The following GALNTL5 variants were observed in gnomAD, a reference collection of about 807,000 sequenced individuals.
GALNTL5 encodes polypeptide N-acetylgalactosaminyltransferase like 5.
GALNTL5 carries 44 observed loss-of-function variants against 51.0 expected under a neutral mutation model. The observed-to-expected ratio is 0.86, with a 90% CI of 0.68 to 1.11. The LOEUF is 1.11. GALNTL5 is among the 50% of genes least tolerant of loss of function. The pLI, the probability that GALNTL5 is intolerant of heterozygous loss-of-function variation, is 0.00. For missense variants in GALNTL5, 528 were observed against 531.8 expected, an observed-to-expected ratio of 0.99 and a Z score of 0.07; for synonymous variants, 192 against 182.8, an observed-to-expected ratio of 1.05 and a Z score of -0.41.
chr7:151,962,085 C>T (rs1490052399), intron 1 of GALNTL5, among the ~76,000 whole-genome samples: 1 of 150,300 alleles, frequency 6.7e-6, no homozygotes, highest in Non-Finnish European at 1.5e-5. Flanking sequence ...TCACTGCAAC[C>T]TCCAACTCCC....
At chr7:152,018,920 T>C (rs1274463290) in intron 8 of GALNTL5, among the ~76,000 whole-genome samples, 1 of 152,170 alleles carries the variant, frequency 6.6e-6, no homozygotes. Flanking sequence ...AAAACACAGA[T>C]GAAAAGATAA....
At chr7:151,970,295 A>G (rs538822863) in intron 2 of GALNTL5, among the ~76,000 whole-genome samples, 7 of 152,318 alleles carry the variant, frequency 4.6e-5, no homozygotes, top group East Asian at 1.9e-4. Context: ...GCCACTTAGA[A>G]TTGAAAATGG....
chr7:151,971,782 A>G lies in GALNTL5; in HGVS notation c.368+717A>G, dbSNP rs544799925. Reference sequence around the variant, plus strand: ...TTCTCATGATAGTGAGGGAGTTCTCATGAGACCTGATGATTTTAAAAGTAG... The same window carrying G: ...TTCTCATGATAGTGAGGGAGTTCTCGTGAGACCTGATGATTTTAAAAGTAG... On this transcript the variant is annotated intron_variant, in intron 3 of 8. Transcript: ENST00000392800. Among the ~76,000 whole-genome samples, 10 of 152,238 alleles carry G rather than the reference A, an allele frequency of 6.6e-5. No homozygotes were observed. In the South Asian group the frequency reaches 1.9e-3, roughly 28 times the overall value.
At chr7:151,988,663 A>G (rs1246620608) in intron 5 of GALNTL5, among the ~76,000 whole-genome samples, 1 of 152,008 alleles carries the variant, frequency 6.6e-6, no homozygotes, top group African/African-American at 2.4e-5. Context: ...ATAGATATAT[A>G]CATATATATG....
chr7:151,983,198 G>A (rs751851009), intron 4 of GALNTL5, 46 bp downstream of exon 4: 7 of 1,532,292 alleles, frequency 4.6e-6, no homozygotes, highest in Admixed American at 1.7e-5. Flanking sequence ...TGTTGTTGTT[G>A]TTGAGATTTC....
At chr7:151,987,086 C>A in intron 4 of GALNTL5, 73 bp from the exon 5 acceptor site, 1 of 1,292,240 alleles carries the variant, frequency 7.7e-7, no homozygotes, top group South Asian at 1.5e-5. Flanking sequence ...AGGAATACGT[C>A]ATAATGATGA....
At chr7:151,987,781 G>C (rs889271433) in intron 5 of GALNTL5, among the ~76,000 whole-genome samples, 1 of 152,246 alleles carries the variant, frequency 6.6e-6, no homozygotes, top group African/African-American at 2.4e-5. Flanking sequence ...GGAGGACAGA[G>C]AAGGAAGGAA....
chr7:151,977,062 T>G (rs551857268), intron 3 of GALNTL5, among the ~76,000 whole-genome samples: 5 of 152,288 alleles, frequency 3.3e-5, no homozygotes, highest in African/African-American at 1.2e-4. Context: ...TTAGTAAACT[T>G]AATAGGTACA....
Position 151,961,758 on chromosome 7 carries a change from G to A in GALNTL5, c.-40+5149G>A, listed in dbSNP as rs80347386. Among the ~76,000 whole-genome samples the A allele has an allele frequency of 1.7e-3, 265 of 152,234 alleles. 2 individuals carry two copies. Among genetic ancestry groups the A allele is most frequent in the Non-Finnish European group, 2.0e-3 (136 of 68,024 alleles). On this transcript the variant is annotated intron_variant, in intron 1 of 8. Coordinates refer to ENST00000392800, the MANE Select transcript of GALNTL5 (RefSeq NM_145292.4). ...AGGGGCAGGGTCCAGGGGACAAGTGGCTGATGTATTCTTGTGTTTACCAGT... is the reference window on the plus strand; with the variant it reads ...AGGGGCAGGGTCCAGGGGACAAGTGACTGATGTATTCTTGTGTTTACCAGT...
intron 1 of GALNTL5, among the ~76,000 whole-genome samples, chr7:151,964,188 G>A (rs1020325227): frequency 1.3e-5 from 2 of 152,110 alleles, no homozygotes; most frequent in African/African-American, 4.8e-5. Flanking sequence ...TAAGGACACT[G>A]GTCCTATTGG....
At chr7:152,004,902 T>C (rs1429318026) in intron 6 of GALNTL5, among the ~76,000 whole-genome samples, 1 of 152,246 alleles carries the variant, frequency 6.6e-6, no homozygotes, top group African/African-American at 2.4e-5. Context: ...TGAATAGTGC[T>C]GTGATAAACA....
At chr7:151,968,529 G>C (rs1024335173) in intron 2 of GALNTL5, among the ~76,000 whole-genome samples, 2 of 152,154 alleles carry the variant, frequency 1.3e-5, no homozygotes, top group Non-Finnish European at 2.9e-5. Context: ...CCCTTGGCAG[G>C]TCTCCTGCTC....
At chr7:151,968,628 GT>G (rs1458670289) in intron 2 of GALNTL5, among the ~76,000 whole-genome samples, 11 of 152,348 alleles carry the variant, frequency 7.2e-5, no homozygotes, top group African/African-American at 2.4e-4. Context: ...CCAAGGGTGA[GT>G]GCCAGGGGGA....
intron 5 of GALNTL5, among the ~76,000 whole-genome samples, chr7:151,999,281 T>C (rs865850785): frequency 1.6e-4 from 25 of 152,240 alleles, no homozygotes; most frequent in Middle Eastern, 3.4e-3. Context: ...TTGATGGGCA[T>C]TTGGGCTGTT....
intron 1 of GALNTL5, among the ~76,000 whole-genome samples, chr7:151,958,603 T>C (rs990713717): frequency 2.0e-5 from 3 of 149,954 alleles, no homozygotes; most frequent in Non-Finnish European, 2.9e-5. Flanking sequence ...TACAGCTCAT[T>C]CTGTCCCACC....
intron 3 of GALNTL5, 68 bp from the exon 4 acceptor site, chr7:151,982,918 T>G: frequency 6.2e-7 from 1 of 1,612,226 alleles, no homozygotes; most frequent in Non-Finnish European, 8.5e-7. Context: ...GAGAAGTGTT[T>G]GAACGAGATG....
chr7:151,993,307 C>T (rs181462578), intron 5 of GALNTL5, among the ~76,000 whole-genome samples: 1 of 151,060 alleles, frequency 6.6e-6, no homozygotes, highest in East Asian at 1.9e-4. Context: ...TTTCACTTTA[C>T]CAGACTCATA....
At chr7:152,017,212 AC>A (rs2081830665) in intron 8 of GALNTL5, among the ~76,000 whole-genome samples, 1 of 152,094 alleles carries the variant, frequency 6.6e-6, no homozygotes. Context: ...CCCATTGCAC[AC>A]CTTGGCTATA....
intron 1 of GALNTL5, among the ~76,000 whole-genome samples, chr7:151,966,077 C>T (rs1407651623): frequency 6.6e-6 from 1 of 152,056 alleles, no homozygotes; most frequent in African/African-American, 2.4e-5. Flanking sequence ...AATTGCACTG[C>T]TTTTCATGTT....
Sources: allele counts gnomAD v4.1 joint callset (sites outside exome capture counted in the v4.1 genomes callset), GRCh38; gene constraint gnomAD v4.1.1; transcripts MANE v1.5; gene names NCBI Gene and HGNC (gene_info 2026-07-23, HGNC 2026-07-21).